The following KAZN variants were observed in gnomAD, a reference collection of about 807,000 sequenced individuals.
The protein encoded by KAZN is kazrin, periplakin interacting protein.
KAZN carries 40 observed loss-of-function variants against 87.4 expected under a neutral mutation model. The ratio of observed to expected loss-of-function variants is 0.46; its 90% CI spans 0.36 to 0.60. KAZN has a LOEUF of 0.60. KAZN is among the 20% of genes least tolerant of loss of function. The pLI is 0.00. For synonymous variants in KAZN, 466 were observed against 458.3 expected, an observed-to-expected ratio of 1.02 and a Z score of -0.22; for missense variants, 898 against 1,073.9, an observed-to-expected ratio of 0.84 and a Z score of 2.29.
At chr1:14,907,220 AC>A (rs1356769818) in intron 1 of KAZN, among the ~76,000 whole-genome samples, 1 of 150,678 alleles carries the variant, frequency 6.6e-6, no homozygotes, top group African/African-American at 2.4e-5. Flanking sequence ...ACATGGTGAA[AC>A]CCCATCTCTA....
chr1:14,352,617 G>C (rs535706457), intron 2 of KAZN, among the ~76,000 whole-genome samples: 1 of 152,236 alleles, frequency 6.6e-6, no homozygotes, highest in South Asian at 2.1e-4. Context: ...CTTTCATCCA[G>C]TAATTCCTTC....
chr1:14,315,440 A>T lies in KAZN; in HGVS notation c.249+134848A>T, dbSNP rs1026904711. Among the ~76,000 whole-genome samples, 27 of 152,278 alleles carry T rather than the reference A, an allele frequency of 1.8e-4. No individual in the cohort carries two copies. In the East Asian group the frequency reaches 2.3e-3, roughly 13 times the overall value. On this transcript the variant is annotated intron_variant, in intron 2 of 16. Transcript: ENST00000636203. ...AACAAAGCATATATACTTTAATTAT[A>T]CAATTTGATGAGTTTTGACACATAT...
At chr1:14,109,110 A>G (rs942908707) in intron 1 of KAZN, among the ~76,000 whole-genome samples, 1 of 152,192 alleles carries the variant, frequency 6.6e-6, no homozygotes, top group Admixed American at 6.5e-5. Flanking sequence ...AAGACACCGC[A>G]TGACAGAGAG....
chr1:14,409,149 G>A (rs1664099372), intron 2 of KAZN, among the ~76,000 whole-genome samples: 1 of 152,192 alleles, frequency 6.6e-6, no homozygotes, highest in South Asian at 2.1e-4. Context: ...AGTTACAAAT[G>A]TTTGACAAAA....
intron 2 of KAZN, among the ~76,000 whole-genome samples, chr1:15,009,068 C>T (rs1371860581): frequency 1.3e-5 from 2 of 152,196 alleles, no homozygotes; most frequent in South Asian, 2.1e-4. Flanking sequence ...CTGGGGTGAG[C>T]CAGCAGCCCC....
chr1:14,386,827 G>A (rs148673464), intron 2 of KAZN, among the ~76,000 whole-genome samples: 7,006 of 151,912 alleles, frequency 0.046, 344 homozygotes, highest in East Asian at 0.28. Flanking sequence ...TCTTTGTGGC[G>A]TTCTCTGTAT....
chr1:14,229,121 G>C lies in KAZN; in HGVS notation c.249+48529G>C, dbSNP rs1647564461. On this transcript the variant is annotated intron_variant, in intron 2 of 16. Transcript: ENST00000636203. ...TAGATATTATAGGCTCTATTTTTAT[G>C]ATCTTTAAAAATGGGGAAAATAAAA... Among the ~76,000 whole-genome samples, 3 of 152,164 alleles carry C rather than the reference G, an allele frequency of 2.0e-5. No individual in the cohort carries two copies. The South Asian group carries it at 6.2e-4, about 32-fold the overall frequency.
intron 2 of KAZN, among the ~76,000 whole-genome samples, chr1:14,313,754 A>C (rs1054313299): frequency 3.9e-5 from 6 of 152,154 alleles, no homozygotes; most frequent in Non-Finnish European, 8.8e-5. Context: ...CATGTTGACA[A>C]ATCTAAGTAA....
At chr1:14,849,937 C>CCT (rs1188325986) in intron 1 of KAZN, among the ~76,000 whole-genome samples, 1 of 149,814 alleles carries the variant, frequency 6.7e-6, no homozygotes, top group African/African-American at 2.4e-5. Flanking sequence ...TTCTACCCCC[C>CCT]CTTTTTTTTT....
intron 2 of KAZN, among the ~76,000 whole-genome samples, chr1:14,497,894 G>C (rs368961170): frequency 6.6e-6 from 1 of 152,062 alleles, no homozygotes; most frequent in Non-Finnish European, 1.5e-5. Context: ...CCCATCATTA[G>C]AAAGAAGTCA....
At chr1:14,359,043 T>G (rs1451886445) in intron 2 of KAZN, among the ~76,000 whole-genome samples, 2 of 152,144 alleles carry the variant, frequency 1.3e-5, no homozygotes, top group African/African-American at 4.8e-5. Context: ...CCCACTATTA[T>G]TGTGTGGGAG....
chr1:13,903,741 T>G (rs1639333601), intron 1 of KAZN, among the ~76,000 whole-genome samples: 1 of 151,968 alleles, frequency 6.6e-6, no homozygotes, highest in Non-Finnish European at 1.5e-5. Context: ...GCTAGGGAAT[T>G]AGAGGAGTGA....
chr1:15,030,695 C>T (rs1313393731), intron 2 of KAZN, among the ~76,000 whole-genome samples: 1 of 152,250 alleles, frequency 6.6e-6, no homozygotes, highest in Non-Finnish European at 1.5e-5. Context: ...CTGCAGGGCC[C>T]ACCCGCTGCC....
chr1:14,644,761 G>C (rs1418354354), intron 1 of KAZN, among the ~76,000 whole-genome samples: 1 of 152,178 alleles, frequency 6.6e-6, no homozygotes, highest in Non-Finnish European at 1.5e-5. Flanking sequence ...TAGGTTGTCT[G>C]TTTACCCTGT....
chr1:15,025,540 C>A (rs1671076732), intron 2 of KAZN, among the ~76,000 whole-genome samples: 1 of 152,216 alleles, frequency 6.6e-6, no homozygotes, highest in Admixed American at 6.5e-5. Flanking sequence ...CCCTAATCAA[C>A]CCAGCTTCCT....
intron 2 of KAZN, among the ~76,000 whole-genome samples, chr1:14,579,698 T>A (rs1216924444): frequency 6.6e-6 from 1 of 151,842 alleles, no homozygotes; most frequent in African/African-American, 2.4e-5. Context: ...AAAAAAAAAT[T>A]TTTTTAGCAT....
At chr1:14,166,015 C>T (rs1048911161) in intron 1 of KAZN, among the ~76,000 whole-genome samples, 2 of 152,040 alleles carry the variant, frequency 1.3e-5, no homozygotes, top group South Asian at 2.1e-4. Flanking sequence ...AGGGGCCACT[C>T]GGTATCTCAA....
chr1:15,070,833 CCTGT>C (rs950185391), intron 8 of KAZN, among the ~76,000 whole-genome samples: 10 of 152,182 alleles, frequency 6.6e-5, no homozygotes, highest in South Asian at 4.1e-4. Context: ...AGAGTGAGAC[CCTGT>C]CTATTATTTA....
At chr1:14,012,849 A>G (rs1175716760) in intron 1 of KAZN, among the ~76,000 whole-genome samples, 1 of 152,226 alleles carries the variant, frequency 6.6e-6, no homozygotes. Flanking sequence ...AGCAACAAAC[A>G]TATTTACCGT....
Sources: allele counts gnomAD v4.1 joint callset (sites outside exome capture counted in the v4.1 genomes callset), GRCh38; gene constraint gnomAD v4.1.1; transcripts MANE v1.5; gene names NCBI Gene and HGNC (gene_info 2026-07-23, HGNC 2026-07-21).